Variants in PCDHGB7 observed in about 807,000 individuals in gnomAD.
The protein encoded by PCDHGB7 is protocadherin gamma-B7.
In PCDHGB7, 37 loss-of-function variants were observed where a neutral mutation model predicts 61.4. The observed-to-expected ratio is 0.60, with a 90% CI of 0.46 to 0.79. The LOEUF is 0.79. Among genes scored for constraint, PCDHGB7 ranks in the 30% least tolerant of loss-of-function variants. The probability of loss-of-function intolerance (pLI) is 0.00; values close to 1 mark genes in which losing one functional copy is unlikely to be tolerated. For missense variants in PCDHGB7, 1,166 were observed against 1,202.5 expected (o/e 0.97, Z 0.45); for synonymous variants, 464 against 503.5 (o/e 0.92, Z 1.05).
chr5:141,486,091 G>T lies in PCDHGB7; in HGVS notation c.2416-8716G>T. ...CTACTGGAAAGCTTACTCTTTTGGG[G>T]CCCCTAGACTTTGAGAGTGAGAATT... On this transcript the variant is annotated intron_variant, in intron 1 of 3. Coordinates refer to ENST00000398594, the MANE Select transcript of PCDHGB7 (RefSeq NM_018927.4). This position sits in a 1 kb window ranked among gnomAD's most constrained non-coding sequence, Gnocchi z 5.0. 1 of 1,614,158 alleles carries T rather than the reference G, an allele frequency of 6.2e-7. No homozygotes were observed. Among genetic ancestry groups the T allele is most frequent in the South Asian group, 1.1e-5 (1 of 91,078 alleles).
At chr5:141,421,565 A>G (rs1373619696) in intron 1 of PCDHGB7, 1 of 1,613,952 alleles carries the variant, frequency 6.2e-7, no homozygotes, top group Admixed American at 1.7e-5. Context: ...CTCGTGGAAG[A>G]CACCTTGAAG....
chr5:141,455,047 C>T (rs2098811276), intron 1 of PCDHGB7, among the ~76,000 whole-genome samples: 1 of 150,004 alleles, frequency 6.7e-6, no homozygotes, highest in African/African-American at 2.5e-5. Context: ...CTCCTGACCT[C>T]GTGATCCGCC....
chr5:141,487,751 G>A lies in PCDHGB7; in HGVS notation c.2416-7056G>A. ...CACCATTTTTGTAAGAGGTAACTAT[G>A]TGGTAGACGCTGTGCTTTGTAACTG... On this transcript the variant is annotated intron_variant, in intron 1 of 3. Coordinates refer to ENST00000398594, the MANE Select transcript of PCDHGB7 (RefSeq NM_018927.4). This position sits in a 1 kb window ranked among gnomAD's most constrained non-coding sequence, Gnocchi z 5.0. 1 of 1,555,004 alleles carries A rather than the reference G, an allele frequency of 6.4e-7. No homozygotes were observed.
chr5:141,495,386 G>C (rs2099760934), intron 2 of PCDHGB7, among the ~76,000 whole-genome samples: 1 of 152,214 alleles, frequency 6.6e-6, no homozygotes, highest in Non-Finnish European at 1.5e-5. Context: ...GGACTGGGCG[G>C]GGCATGGAGC....
intron 2 of PCDHGB7, 143 bp downstream of exon 2, chr5:141,495,008 G>A (rs2099758236): frequency 6.6e-7 from 1 of 1,521,900 alleles, no homozygotes; most frequent in Non-Finnish European, 8.8e-7. Context: ...TGGTGTGCGG[G>A]GGGCTGGCAC....
At chr5:141,481,943 G>C (rs1454871018) in intron 1 of PCDHGB7, among the ~76,000 whole-genome samples, 1 of 148,544 alleles carries the variant, frequency 6.7e-6, no homozygotes, top group South Asian at 2.1e-4. Context: ...AAATCAGCCA[G>C]ATGTGGTGGC....
At chr5:141,452,119 TTCATATATGGC>T (rs1472213897) in intron 1 of PCDHGB7, among the ~76,000 whole-genome samples, 3 of 152,250 alleles carry the variant, frequency 2.0e-5, no homozygotes, top group African/African-American at 7.2e-5. Flanking sequence ...TTCTTATTTA[TTCATATATGGC>T]TCATGTGTTT....
At chr5:141,447,178 C>T (rs1258561542) in intron 1 of PCDHGB7, among the ~76,000 whole-genome samples, 2 of 152,094 alleles carry the variant, frequency 1.3e-5, no homozygotes, top group Middle Eastern at 3.4e-3. Context: ...TTGCTCTTGT[C>T]GCGCAGGCTG....
chr5:141,510,656 A>C (rs761093897), intron 3 of PCDHGB7, among the ~76,000 whole-genome samples: 4 of 152,304 alleles, frequency 2.6e-5, no homozygotes, highest in Non-Finnish European at 5.9e-5. Flanking sequence ...CCCATTTTGC[A>C]GATGAGAAAA....
Position 141,418,740 on chromosome 5 carries a change from TG to T in PCDHGB7, c.883del (p.Asp295IlefsTer8). On this transcript the variant is annotated frameshift_variant, in exon 1 of 4. Coordinates refer to ENST00000398594, the MANE Select transcript of PCDHGB7 (RefSeq NM_018927.4). LOFTEE classifies it high-confidence loss of function. Reference protein sequence around the residue: ...VADKAQHVFSLDYTTGNILTQ... With the variant: ...VADKAQHVFSXDYTTGNILTQ... ...GACAAAGCTCAGCACGTGTTCTCTC[TG>T]GATTACACTACAGGAAACATTCTAA... is the stretch of plus-strand genomic sequence containing the variant. The T allele has an allele frequency of 6.2e-7, 1 of 1,613,972 alleles. No homozygotes were observed. The highest frequency in any genetic ancestry group is 8.5e-7 in the Non-Finnish European group (1 of 1,179,844).
In PCDHGB7 at chr5:141,490,498, T is replaced by C. The variant is rs544031284; in HGVS notation, c.2416-4309T>C. On this transcript the variant is annotated intron_variant, in intron 1 of 3. Coordinates refer to ENST00000398594, the MANE Select transcript of PCDHGB7 (RefSeq NM_018927.4). This position sits in a 1 kb window ranked among gnomAD's most constrained non-coding sequence, Gnocchi z 5.4. ...TTTGGACCGGGAGGCCACATCCCAC[T>C]ATATCATCGAGCTGCTGGCCAGCGA... 1.2e-6 allele frequency: 2 copies of C among 1,614,132 alleles called. No individual in the cohort carries two copies. Among genetic ancestry groups the C allele is most frequent in the African/African-American group, 1.3e-5 (1 of 75,038 alleles).
In PCDHGB7 at chr5:141,431,827, TC is replaced by T. The variant is rs571306928; in HGVS notation, c.2415+11556del. 1.2e-3 allele frequency: 2,007 copies of T among 1,614,226 alleles called. No individual in the cohort carries two copies. The highest frequency in any genetic ancestry group is 1.5e-3 in the Non-Finnish European group (1,827 of 1,180,024). On this transcript the variant is annotated intron_variant, in intron 1 of 3. Coordinates refer to ENST00000398594, the MANE Select transcript of PCDHGB7 (RefSeq NM_018927.4). This position sits in a 1 kb window ranked among gnomAD's most constrained non-coding sequence, Gnocchi z 4.8. ...TCCTCACCTCTCTCGCCAGCTCGGT[TC>T]CCGAAAACTCTCCCAGAGGGACATT...
Position 141,454,981 on chromosome 5 carries a change from A to T in PCDHGB7, c.2415+34707A>T, listed in dbSNP as rs528657512. 9.9e-3 allele frequency among the ~76,000 whole-genome samples: 1,486 copies of T among 150,680 alleles called. 32 individuals carry two copies. Among genetic ancestry groups the T allele is most frequent in the African/African-American group, 0.034 (1,392 of 41,092 alleles). On this transcript the variant is annotated intron_variant, in intron 1 of 3. Coordinates refer to ENST00000398594, the MANE Select transcript of PCDHGB7 (RefSeq NM_018927.4). ...GGCCACCACGCCTGGCTAATTTTTTAAAAAATATTTTTAGTAGAGACGGGG... is the reference window on the plus strand; with the variant it reads ...GGCCACCACGCCTGGCTAATTTTTTTAAAAATATTTTTAGTAGAGACGGGG...
intron 1 of PCDHGB7, among the ~76,000 whole-genome samples, chr5:141,449,673 G>A (rs7725811): frequency 0.049 from 7,346 of 150,528 alleles, 281 homozygotes; most frequent in African/African-American, 0.1. Flanking sequence ...AAGTGTGTAT[G>A]TATATATGTT....
chr5:141,419,258 C>A lies in PCDHGB7; in HGVS notation c.1399C>A (p.Pro467Thr). 3 of 1,614,028 alleles carry A rather than the reference C, an allele frequency of 1.9e-6. No homozygotes were observed. Among genetic ancestry groups the A allele is most frequent in the Non-Finnish European group, 2.5e-6 (3 of 1,179,898 alleles). The change falls in exon 1 of 4, where the codon CCG (proline) becomes ACG (threonine). Residue 467 changes from proline (P) to threonine (T), a missense_variant. Transcript: ENST00000398594. Reference sequence around the variant, plus strand: ...GGTCCACGTGCCAGAAAACAACCAGCCGGGTGCCTCCATAGCGCAAGTCAG... The same window carrying A: ...GGTCCACGTGCCAGAAAACAACCAGACGGGTGCCTCCATAGCGCAAGTCAG... ...YLVHVPENNQ[P>T]GASIAQVSAS...
In PCDHGB7 at chr5:141,493,233, G is replaced by T. The variant is rs1335823475; in HGVS notation, c.2416-1574G>T. ...TTTGCTCTTCCCACCATTGCTGTTG[G>T]CTAGGTACTAACATGCCTCTCTTAT... is the stretch of plus-strand genomic sequence containing the variant. On this transcript the variant is annotated intron_variant, in intron 1 of 3. Coordinates refer to ENST00000398594, the MANE Select transcript of PCDHGB7 (RefSeq NM_018927.4). This position sits in a 1 kb window ranked among gnomAD's most constrained non-coding sequence, Gnocchi z 4.3. 6.6e-6 allele frequency among the ~76,000 whole-genome samples: 1 copy of T among 152,172 alleles called. No homozygotes were observed. The highest frequency in any genetic ancestry group is 2.1e-4 in the South Asian group (1 of 4,828).
In PCDHGB7 at chr5:141,489,261, A is replaced by C; in HGVS notation, c.2416-5546A>C. 6.4e-7 allele frequency: 1 copy of C among 1,551,956 alleles called. No individual in the cohort carries two copies. Among genetic ancestry groups the C allele is most frequent in the East Asian group, 2.2e-5 (1 of 44,450 alleles). Reference sequence around the variant, plus strand: ...GGGTCATGGGGCCCAAGACACTCCCACAGCTCGCTGGGAAATGGCAAGTGC... The same window carrying C: ...GGGTCATGGGGCCCAAGACACTCCCCCAGCTCGCTGGGAAATGGCAAGTGC... On this transcript the variant is annotated intron_variant, in intron 1 of 3. Coordinates refer to ENST00000398594, the MANE Select transcript of PCDHGB7 (RefSeq NM_018927.4). The surrounding 1 kb of genome is among the most constrained non-coding windows in gnomAD (Gnocchi z 4.5).
In PCDHGB7 at chr5:141,432,545, A is replaced by G; in HGVS notation, c.2415+12271A>G. Reference sequence around the variant, plus strand: ...GGTGACCAAGGTGGTGGCGGTGGACAGAGACTCCGGCCAGAACGCCTGGCT... The same window carrying G: ...GGTGACCAAGGTGGTGGCGGTGGACGGAGACTCCGGCCAGAACGCCTGGCT... On this transcript the variant is annotated intron_variant, in intron 1 of 3. Coordinates refer to ENST00000398594, the MANE Select transcript of PCDHGB7 (RefSeq NM_018927.4). This position sits in a 1 kb window ranked among gnomAD's most constrained non-coding sequence, Gnocchi z 6.0. The G allele has an allele frequency of 1.2e-6, 2 of 1,613,876 alleles. No homozygotes were observed. Among genetic ancestry groups the G allele is most frequent in the Non-Finnish European group, 1.7e-6 (2 of 1,179,984 alleles).
At chr5:141,506,231 A>G (rs1453468632) in intron 3 of PCDHGB7, among the ~76,000 whole-genome samples, 4 of 152,082 alleles carry the variant, frequency 2.6e-5, no homozygotes, top group African/African-American at 4.8e-5. Context: ...CAGGAGGATC[A>G]TGAGGTCAGG....
Sources: allele counts gnomAD v4.1 joint callset (sites outside exome capture counted in the v4.1 genomes callset), GRCh38; gene constraint gnomAD v4.1.1; non-coding constraint Gnocchi (gnomAD v3.1); transcripts MANE v1.5; gene names NCBI Gene and HGNC (gene_info 2026-07-23, HGNC 2026-07-21).